Variants in OSBPL9 observed in about 807,000 individuals in gnomAD.
OSBPL9 encodes the protein oxysterol-binding protein-related protein 9.
In OSBPL9, 40 loss-of-function variants were observed where a neutral mutation model predicts 106.6. That is an observed-to-expected ratio of 0.38 (90% CI 0.29 to 0.49). OSBPL9 has a LOEUF of 0.49. Among genes scored for constraint, OSBPL9 ranks in the 20% least tolerant of loss-of-function variants. The probability of loss-of-function intolerance (pLI) is 0.97; values close to 1 mark genes in which losing one functional copy is unlikely to be tolerated. For missense variants in OSBPL9, 609 were observed against 887.2 expected (o/e 0.69, Z 3.98); for synonymous variants, 269 against 295.4 (o/e 0.91, Z 0.92).
intron 3 of OSBPL9, among the ~76,000 whole-genome samples, chr1:51,678,455 G>C (rs1651799855): frequency 6.6e-6 from 1 of 152,106 alleles, no homozygotes; most frequent in Admixed American, 6.6e-5. Context: ...GAGGTCAGGA[G>C]TTTGAGACCA....
At chr1:51,760,546 G>A (rs1223282585) in intron 9 of OSBPL9, 144 bp from the exon 10 acceptor site, 10 of 1,137,676 alleles carry the variant, frequency 8.8e-6, no homozygotes, top group Admixed American at 2.7e-5. Context: ...TATAGAAAAG[G>A]TGTTTCATTC....
intron 1 of OSBPL9, among the ~76,000 whole-genome samples, chr1:51,621,714 T>G (rs900351068): frequency 3.3e-5 from 5 of 152,204 alleles, no homozygotes; most frequent in Non-Finnish European, 5.9e-5. Flanking sequence ...GAGTCTCTTT[T>G]AATCTCTAGT....
At chr1:51,786,655 G>A (rs1168855088) in intron 22 of OSBPL9, 38 bp downstream of exon 22, 2 of 1,555,518 alleles carry the variant, frequency 1.3e-6, no homozygotes. Flanking sequence ...TTGCTGCAGT[G>A]CTTAAACTTT....
intron 1 of OSBPL9, among the ~76,000 whole-genome samples, chr1:51,595,653 T>A (rs934581507): frequency 2.6e-5 from 4 of 152,290 alleles, no homozygotes; most frequent in Non-Finnish European, 5.9e-5. Context: ...AACTCCATAC[T>A]GTACAATCAA....
chr1:51,644,620 G>A (rs557586580), intron 1 of OSBPL9, among the ~76,000 whole-genome samples: 36 of 152,114 alleles, frequency 2.4e-4, no homozygotes, highest in Non-Finnish European at 3.8e-4. Flanking sequence ...GAGCCACCGC[G>A]CCCAGCCCAT....
intron 9 of OSBPL9, 182 bp from the exon 10 acceptor site, chr1:51,760,508 T>G: frequency 1.3e-6 from 1 of 755,408 alleles, no homozygotes; most frequent in South Asian, 2.3e-5. Flanking sequence ...CTTTCCTTAC[T>G]ATGCTTTAAG....
chr1:51,676,439 C>T lies in OSBPL9; in HGVS notation c.241+6927C>T, dbSNP rs148603299. Among the ~76,000 whole-genome samples, 37 of 151,006 alleles carry T rather than the reference C, an allele frequency of 2.5e-4. No individual in the cohort carries two copies. In the East Asian group the frequency reaches 5.8e-3, roughly 24 times the overall value. On this transcript the variant is annotated intron_variant, in intron 3 of 23. Coordinates refer to ENST00000428468, the MANE Select transcript of OSBPL9 (RefSeq NM_024586.6). ...AGTGAGATGCCTTCTCAAAAAAAAA[C>T]GGAATTAATATAAAATAAGAAACTT...
chr1:51,629,395 C>T (rs891921120), intron 1 of OSBPL9, among the ~76,000 whole-genome samples: 7 of 152,028 alleles, frequency 4.6e-5, no homozygotes, highest in Non-Finnish European at 7.3e-5. Flanking sequence ...AGTCATGGGT[C>T]GCTTAACAAT....
intron 1 of OSBPL9, among the ~76,000 whole-genome samples, chr1:51,637,641 A>G (rs911959792): frequency 6.6e-6 from 1 of 152,248 alleles, no homozygotes; most frequent in Non-Finnish European, 1.5e-5. Flanking sequence ...GAGGTGTTTG[A>G]CATAGTAATA....
intron 1 of OSBPL9, among the ~76,000 whole-genome samples, chr1:51,591,067 T>C (rs1479600852): frequency 6.6e-6 from 1 of 151,978 alleles, no homozygotes; most frequent in African/African-American, 2.4e-5. Flanking sequence ...TACAGGCGCC[T>C]GCCACCAAGC....
chr1:51,621,767 A>G (rs1031713467), intron 1 of OSBPL9, among the ~76,000 whole-genome samples: 1 of 152,146 alleles, frequency 6.6e-6, no homozygotes, highest in African/African-American at 2.4e-5. Context: ...CTAAGACACC[A>G]GGTCATTTAC....
chr1:51,587,147 G>C (rs1025498545), intron 1 of OSBPL9, among the ~76,000 whole-genome samples: 1 of 152,104 alleles, frequency 6.6e-6, no homozygotes, highest in African/African-American at 2.4e-5. Flanking sequence ...GGACAGATCA[G>C]TTGAGGTCAG....
intron 1 of OSBPL9, among the ~76,000 whole-genome samples, chr1:51,590,305 G>A (rs1455959697): frequency 6.6e-6 from 1 of 151,712 alleles, no homozygotes; most frequent in Non-Finnish European, 1.5e-5. Context: ...GGCTAGGTCG[G>A]TAGCAATACA....
chr1:51,630,639 A>G (rs1645047842), intron 1 of OSBPL9, among the ~76,000 whole-genome samples: 1 of 152,210 alleles, frequency 6.6e-6, no homozygotes, highest in African/African-American at 2.4e-5. Context: ...GGACATTACC[A>G]TACACTACCA....
At chr1:51,597,403 A>G (rs1557579893) in intron 1 of OSBPL9, among the ~76,000 whole-genome samples, 2 of 137,582 alleles carry the variant, frequency 1.5e-5, no homozygotes, top group Non-Finnish European at 3.1e-5. Context: ...TATGGAATAT[A>G]TGTGTGTATA....
At position 51,590,321 on chromosome 1, in the gene OSBPL9, TA is replaced by T. The variant is rs1259707112; in HGVS notation, c.-422-7792del. Among the ~76,000 whole-genome samples, 1,433 of 143,462 alleles carry T rather than the reference TA, an allele frequency of 1.0e-2. 20 individuals are homozygous for T. Among genetic ancestry groups the T allele is most frequent in the African/African-American group, 0.034 (1,327 of 39,338 alleles). The allele number at this position is 143,462 out of a possible 152,430, so 94.1% of individuals were successfully genotyped here. ...GCTAGGTCGGTAGCAATACAGGAGG[TA>T]AAAAAAAAAATCACGTGGCCGGGCG... On this transcript the variant is annotated intron_variant, in intron 1 of 25. Transcript: ENST00000371714.
intron 2 of OSBPL9, among the ~76,000 whole-genome samples, chr1:51,656,069 C>A (rs1646795972): frequency 6.6e-6 from 1 of 152,178 alleles, no homozygotes; most frequent in Admixed American, 6.5e-5. Context: ...TATTTTTAAA[C>A]AGATTATCCA....
intron 9 of OSBPL9, chr1:51,756,928 C>T (rs1375579696): frequency 1.3e-5 from 2 of 152,036 alleles, no homozygotes; most frequent in East Asian, 3.9e-4. Context: ...TATTCAACTT[C>T]CCCTCCAAAA....
intron 4 of OSBPL9, among the ~76,000 whole-genome samples, chr1:51,721,883 T>G (rs1284228911): frequency 6.6e-6 from 1 of 152,264 alleles, no homozygotes; most frequent in Admixed American, 6.5e-5. Flanking sequence ...ATGCTCAATT[T>G]GGAACATTTA....
Sources: allele counts gnomAD v4.1 joint callset (sites outside exome capture counted in the v4.1 genomes callset), GRCh38; gene constraint gnomAD v4.1.1; transcripts MANE v1.5; gene names NCBI Gene and HGNC (gene_info 2026-07-23, HGNC 2026-07-21).